Variants in KHDC4 observed in about 807,000 individuals in gnomAD.
KHDC4 encodes the protein KH homology domain-containing protein 4.
A neutral mutation model predicts 74.5 loss-of-function variants in KHDC4; 19 were observed. The ratio of observed to expected loss-of-function variants is 0.26; its 90% CI spans 0.18 to 0.37. The LOEUF (loss-of-function observed/expected upper bound fraction) is 0.37, where lower values mean the gene tolerates loss of function less well. Among genes scored for constraint, KHDC4 ranks in the 10% least tolerant of loss-of-function variants. KHDC4 has a pLI of 1.00. For missense variants in KHDC4, 632 were observed against 754.1 expected, an observed-to-expected ratio of 0.84 and a Z score of 1.90; for synonymous variants, 253 against 266.1, an observed-to-expected ratio of 0.95 and a Z score of 0.48.
chr1:155,933,880 C>A (rs1674196462), intron 1 of KHDC4, 31 bp from the exon 2 acceptor site: 2 of 1,465,694 alleles, frequency 1.4e-6, no homozygotes, highest in Non-Finnish European at 1.8e-6. Flanking sequence ...ACATTAGGCC[C>A]CAAAGCTTTC....
At chr1:155,925,870 T>C in intron 6 of KHDC4, 27 bp from the exon 7 acceptor site, 1 of 1,468,868 alleles carries the variant, frequency 6.8e-7, no homozygotes, top group Non-Finnish European at 9.5e-7. Flanking sequence ...ATACTTCAGA[T>C]TAAACAGAAT....
Position 155,917,001 on chromosome 1 carries a change from C to A in KHDC4, c.1441-264G>T, listed in dbSNP as rs116835490. ...TGACTGCCCATAGCTCCACTAGTTT[C>A]TATAAACCTAGCTAGAAACTATAAA... On this transcript the variant is annotated intron_variant, in intron 11 of 13. Coordinates refer to ENST00000368321, the MANE Select transcript of KHDC4 (RefSeq NM_014949.4). 7.9e-3 allele frequency: 2,328 copies of A among 295,300 alleles called. 46 individuals carry two copies. The highest frequency in any genetic ancestry group is 0.048 in the African/African-American group (2,183 of 45,664). 18.3% of individuals were successfully genotyped at this position (295,300 alleles called of 1,614,324 possible). A position where few individuals can be genotyped will look rare whatever the true frequency, so the allele number is the denominator to read the frequency against.
chr1:155,917,363 TA>T, intron 11 of KHDC4, 135 bp downstream of exon 11: 1 of 784,904 alleles, frequency 1.3e-6, no homozygotes, highest in Non-Finnish European at 2.1e-6. Flanking sequence ...TTGAATAGGA[TA>T]AAAAACCTAA....
intron 4 of KHDC4, 110 bp downstream of exon 4, chr1:155,929,186 C>G: frequency 2.6e-6 from 2 of 780,246 alleles, no homozygotes; most frequent in Admixed American, 2.3e-5. Context: ...ACATACCCCT[C>G]AAACCTTGAA....
rs1336871968 is a variant in KHDC4, at chr1:155,921,640, GA to G, written c.1013-13del. The G allele has an allele frequency of 8.2e-6, 13 of 1,591,790 alleles. No individual in the cohort carries two copies. Among genetic ancestry groups the G allele is most frequent in the Non-Finnish European group, 1.1e-5 (13 of 1,168,620 alleles). On this transcript the variant is annotated splice_polypyrimidine_tract_variant and intron_variant, in intron 9 of 13. Coordinates refer to ENST00000368321, the MANE Select transcript of KHDC4 (RefSeq NM_014949.4). Reference sequence around the variant, plus strand: ...GGGTTGTGTATAGCCTGAGGGGGAAGAAAAAAAGTGTTTAATCAGCTGCAGC... The same window carrying G: ...GGGTTGTGTATAGCCTGAGGGGGAAGAAAAAAGTGTTTAATCAGCTGCAGC...
rs759681493 is a variant in KHDC4 at position 155,929,901 on chromosome 1, TTTTA to T, written c.256-65_256-62del. ...TGATGAGATAAAGTCTATTTTTTTATTTTATTTATTTACTTATTTATTTTTTCAT... is the reference window on the plus strand; with the variant it reads ...TGATGAGATAAAGTCTATTTTTTTATTTTATTTACTTATTTATTTTTTCAT... On this transcript the variant is annotated intron_variant, in intron 2 of 13. Coordinates refer to ENST00000368321, the MANE Select transcript of KHDC4 (RefSeq NM_014949.4). The T allele has an allele frequency of 1.2e-4, 133 of 1,150,764 alleles. 1 individual carries two copies. The highest frequency in any genetic ancestry group is 2.0e-4 in the Admixed American group (6 of 29,358). The allele number at this position is 1,150,764 out of a possible 1,614,324, so 71.3% of individuals were successfully genotyped here.
intron 5 of KHDC4, 54 bp from the exon 6 acceptor site, chr1:155,926,893 G>A: frequency 6.3e-7 from 1 of 1,583,762 alleles, no homozygotes; most frequent in Non-Finnish European, 8.7e-7. Context: ...TAGTGCCCAG[G>A]CAGGCCAGTG....
At chr1:155,929,581 T>C in intron 3 of KHDC4, 131 bp downstream of exon 3, 2 of 1,157,502 alleles carry the variant, frequency 1.7e-6, no homozygotes, top group Non-Finnish European at 1.2e-6. Context: ...TGAAGTTAAA[T>C]TAAACCCAAT....
intron 7 of KHDC4, among the ~76,000 whole-genome samples, chr1:155,925,404 G>A (rs1383157668): frequency 6.6e-6 from 1 of 152,004 alleles, no homozygotes; most frequent in Non-Finnish European, 1.5e-5. Flanking sequence ...CTGGGCTCAA[G>A]TGGTCCTACG....
intron 2 of KHDC4, among the ~76,000 whole-genome samples, chr1:155,931,021 T>C (rs1180374490): frequency 6.7e-6 from 1 of 149,112 alleles, no homozygotes; most frequent in East Asian, 2.0e-4. Context: ...CAAAAATAAA[T>C]ATATAAATTA....
intron 7 of KHDC4, among the ~76,000 whole-genome samples, chr1:155,924,892 C>A (rs934342585): frequency 3.3e-5 from 5 of 150,872 alleles, no homozygotes; most frequent in Non-Finnish European, 5.9e-5. Context: ...AAGACAGGGT[C>A]TCACTCAGTC....
chr1:155,916,842 G>A (rs1673742543), intron 11 of KHDC4, 105 bp from the exon 12 acceptor site: 1 of 746,944 alleles, frequency 1.3e-6, no homozygotes, highest in Admixed American at 2.5e-5. Flanking sequence ...ATAAGTTGTA[G>A]TACGTTAAAC....
chr1:155,926,626 C>G (rs754912667), intron 6 of KHDC4, 50 bp downstream of exon 6: 1 of 1,593,570 alleles, frequency 6.3e-7, no homozygotes, highest in East Asian at 2.2e-5. Context: ...CAGCACATAT[C>G]ATTTTTATAG....
intron 4 of KHDC4, among the ~76,000 whole-genome samples, chr1:155,929,064 C>G (rs1042106518): frequency 2.0e-5 from 3 of 151,968 alleles, no homozygotes; most frequent in African/African-American, 7.3e-5. Flanking sequence ...TTTACACTTT[C>G]CTATAATTTG....
At position 155,920,792 on chromosome 1, in the gene KHDC4, T is replaced by C. The variant is rs1162519395; in HGVS notation, c.1266+583A>G. 2.0e-5 allele frequency among the ~76,000 whole-genome samples: 3 copies of C among 152,202 alleles called. 1 individual carries two copies. The highest frequency in any genetic ancestry group is 4.1e-4 in the South Asian group (2 of 4,830). ...GCAATCCTGCCTCGGCCTCCCCAGA[T>C]GCTGAGATTATGTTTCCTTCTAAGA... On this transcript the variant is annotated intron_variant, in intron 10 of 13. Transcript: ENST00000368321.
chr1:155,914,483 C>T (rs147222585), intron 13 of KHDC4, 163 bp from the exon 14 acceptor site: 10 of 590,656 alleles, frequency 1.7e-5, no homozygotes, highest in African/African-American at 7.5e-5. Context: ...GAAGATCACA[C>T]GAAAAACAGC....
chr1:155,922,366 C>G (rs190333552), intron 8 of KHDC4, among the ~76,000 whole-genome samples: 1 of 152,092 alleles, frequency 6.6e-6, no homozygotes, highest in South Asian at 2.1e-4. Flanking sequence ...AGGCTGGTCT[C>G]GAACTCCTGA....
chr1:155,931,888 C>A (rs1674148613), intron 2 of KHDC4, among the ~76,000 whole-genome samples: 1 of 152,134 alleles, frequency 6.6e-6, no homozygotes, highest in Non-Finnish European at 1.5e-5. Flanking sequence ...CTCAATGAAT[C>A]CTTATGGCCG....
chr1:155,926,869 T>C (rs1186272448), intron 5 of KHDC4, 30 bp from the exon 6 acceptor site: 1 of 1,611,492 alleles, frequency 6.2e-7, no homozygotes. Flanking sequence ...TAAAACTGAA[T>C]GGAATGAACT....
Sources: gnomAD v4.1 joint callset for allele counts (sites outside exome capture counted in the v4.1 genomes callset) on GRCh38, gnomAD v4.1.1 for gene constraint, MANE v1.5 for transcripts, NCBI Gene and HGNC (gene_info 2026-07-23, HGNC 2026-07-21) for gene names.